Variants in SCN1A observed in about 807,000 individuals in gnomAD.
SCN1A encodes sodium voltage-gated channel alpha subunit 1, also known as sodium channel protein type 1 subunit alpha.
A neutral mutation model predicts 193.7 loss-of-function variants in SCN1A; 13 were observed. The ratio of observed to expected loss-of-function variants is 0.07; its 90% CI spans 0.04 to 0.11. The LOEUF is 0.11. SCN1A is among the 10% of genes least tolerant of loss of function. The pLI, the probability that SCN1A is intolerant of heterozygous loss-of-function variation, is 1.00. For missense variants in SCN1A, 1,432 were observed against 2,451.1 expected, an observed-to-expected ratio of 0.58 and a Z score of 8.78; for synonymous variants, 781 against 843.6, an observed-to-expected ratio of 0.93 and a Z score of 1.29.
intron 2 of SCN1A, among the ~76,000 whole-genome samples, chr2:166,098,491 G>A (rs1687650447): frequency 6.6e-6 from 1 of 152,058 alleles, no homozygotes; most frequent in African/African-American, 2.4e-5. Context: ...CATAATGCTG[G>A]AAGTCCTAGC....
chr2:166,147,631 GGGGCTCTTATCTCAAGCTATGTCTA>G (rs1558920578), intron 1 of SCN1A, among the ~76,000 whole-genome samples: 2 of 152,098 alleles, frequency 1.3e-5, no homozygotes, highest in African/African-American at 4.8e-5. Flanking sequence ...CTGGTCTGAT[GGGGCTCTTATCTCAAGCTATGTCTA>G]GGGAAAATGC....
intron 8 of SCN1A, 112 bp downstream of exon 8, chr2:166,052,740 C>A: frequency 1.1e-6 from 1 of 901,602 alleles, no homozygotes; most frequent in South Asian, 1.4e-5. Context: ...GAATCATTTT[C>A]TTTGAAACAC....
At chr2:166,137,274 T>C (rs574326681) in intron 1 of SCN1A, among the ~76,000 whole-genome samples, 3 of 152,242 alleles carry the variant, frequency 2.0e-5, no homozygotes, top group Non-Finnish European at 2.9e-5. Flanking sequence ...TTTACAGAGA[T>C]GAACAAAAAT....
At chr2:166,124,315 G>A (rs537856169) in intron 2 of SCN1A, among the ~76,000 whole-genome samples, 210 of 151,956 alleles carry the variant, frequency 1.4e-3, no homozygotes, top group African/African-American at 4.9e-3. Flanking sequence ...TTGGGAGGCT[G>A]AGGCAGGCAG....
intron 4 of SCN1A, among the ~76,000 whole-genome samples, chr2:166,067,376 C>T (rs530033424): frequency 1.8e-4 from 28 of 152,164 alleles, no homozygotes; most frequent in Non-Finnish European, 3.4e-4. Flanking sequence ...GAAATACTGC[C>T]GGCCTGGGAG....
chr2:166,010,945 A>G (rs538157280), intron 22 of SCN1A, among the ~76,000 whole-genome samples: 2 of 151,302 alleles, frequency 1.3e-5, no homozygotes, highest in African/African-American at 2.4e-5. Flanking sequence ...TGTAATAAAC[A>G]TAATAGAAAA....
At chr2:166,086,715 G>A (rs1278986900) in intron 2 of SCN1A, among the ~76,000 whole-genome samples, 1 of 151,958 alleles carries the variant, frequency 6.6e-6, no homozygotes, top group African/African-American at 2.4e-5. Context: ...CATTCTTCAG[G>A]TGATAATCAT....
chr2:166,132,688 T>A (rs1162830967), upstream of SCN1A, among the ~76,000 whole-genome samples: 1 of 152,198 alleles, frequency 6.6e-6, no homozygotes, highest in Non-Finnish European at 1.5e-5. Flanking sequence ...ATGGCAAGAA[T>A]TGGCCAACTG....
intron 22 of SCN1A, among the ~76,000 whole-genome samples, chr2:166,011,083 A>G (rs1692374260): frequency 6.6e-6 from 1 of 151,146 alleles, no homozygotes; most frequent in Non-Finnish European, 1.5e-5. Context: ...TTTCTCCCTT[A>G]TTGATGTGAT....
chr2:166,131,189 A>G (rs1048735969), upstream of SCN1A, among the ~76,000 whole-genome samples: 4 of 152,190 alleles, frequency 2.6e-5, no homozygotes, highest in Non-Finnish European at 5.9e-5. Context: ...TAGCCATTCC[A>G]GGAACCCCTT....
At chr2:166,028,502 C>T (rs2105742170) in intron 19 of SCN1A, among the ~76,000 whole-genome samples, 1 of 152,188 alleles carries the variant, frequency 6.6e-6, no homozygotes, top group African/African-American at 2.4e-5. Flanking sequence ...TTCAGAGGAT[C>T]AGAGAAACTT....
intron 1 of SCN1A, among the ~76,000 whole-genome samples, chr2:166,134,754 C>T (rs747786991): frequency 2.0e-5 from 3 of 152,238 alleles, no homozygotes; most frequent in Middle Eastern, 3.4e-3. Context: ...GTCTAATAAA[C>T]CACATTTATA....
intron 2 of SCN1A, among the ~76,000 whole-genome samples, chr2:166,113,521 C>G (rs1271023527): frequency 5.3e-5 from 8 of 151,772 alleles, no homozygotes; most frequent in Non-Finnish European, 1.2e-4. Context: ...TGTTTCCTGT[C>G]ATTTGTCTTT....
chr2:166,034,444 T>C (rs1696065033), intron 19 of SCN1A, among the ~76,000 whole-genome samples: 1 of 152,236 alleles, frequency 6.6e-6, no homozygotes, highest in Non-Finnish European at 1.5e-5. Flanking sequence ...TGATGATATC[T>C]AATAGAATTG....
chr2:166,093,153 TATGTCTGGCC>T (rs1248683301), intron 2 of SCN1A, among the ~76,000 whole-genome samples: 1 of 151,422 alleles, frequency 6.6e-6, no homozygotes, highest in Non-Finnish European at 1.5e-5. Context: ...ATGAGGAAGC[TATGTCTGGCC>T]ATGACCAAGC....
At position 166,058,626 on chromosome 2, in the gene SCN1A, G is replaced by A; in HGVS notation, c.327C>T (p.Tyr109=). 1 of 1,612,580 alleles carries A rather than the reference G, an allele frequency of 6.2e-7. No homozygotes were observed. The highest frequency in any genetic ancestry group is 8.5e-7 in the Non-Finnish European group (1 of 1,178,826). ...IFRFSATSAL[Y]ILTPFNPLRK... ...TAAGAGGATTGAAGGGAGTTAAAAT[G>A]TACAGGGCAGAGGTGGCACTGAACC... Residue 109 remains tyrosine, a synonymous_variant, in exon 5 of 29, where the codon TAC becomes TAT. Transcript: ENST00000674923.
At chr2:166,148,256 T>C (rs150673060) in intron 1 of SCN1A, among the ~76,000 whole-genome samples, 1 of 152,334 alleles carries the variant, frequency 6.6e-6, no homozygotes, top group East Asian at 1.9e-4. Flanking sequence ...CTGGCCAATA[T>C]ATCACTCTGC....
intron 4 of SCN1A, among the ~76,000 whole-genome samples, chr2:166,061,193 C>T (rs575673646): frequency 2.6e-5 from 4 of 152,192 alleles, no homozygotes; most frequent in African/African-American, 7.2e-5. Context: ...GGCCACTGTT[C>T]AGCCCAAACC....
intron 2 of SCN1A, among the ~76,000 whole-genome samples, chr2:166,079,752 T>C (rs1051539782): frequency 1.1e-4 from 17 of 151,412 alleles, no homozygotes; most frequent in African/African-American, 3.6e-4. Context: ...GTAGAAGACA[T>C]GAATTCTACA....
Sources: allele counts gnomAD v4.1 joint callset (sites outside exome capture counted in the v4.1 genomes callset), GRCh38; gene constraint gnomAD v4.1.1; transcripts MANE v1.5; gene names NCBI Gene and HGNC (gene_info 2026-07-23, HGNC 2026-07-21).